The following JPH2 variants were observed in gnomAD, a reference collection of about 807,000 sequenced individuals.
JPH2 encodes the protein junctophilin 2.
In JPH2, 38 loss-of-function variants were observed where a neutral mutation model predicts 55.9. That is an observed-to-expected ratio of 0.68 (90% CI 0.52 to 0.89). The LOEUF is 0.89. Ranked by LOEUF, JPH2 falls within the 40% of genes least tolerant of loss-of-function variation. JPH2 has a pLI of 0.00. For synonymous variants in JPH2, 480 were observed against 472.4 expected (o/e 1.02, Z -0.21); for missense variants, 964 against 1,037.6 (o/e 0.93, Z 0.97).
intron 2 of JPH2, among the ~76,000 whole-genome samples, chr20:44,141,702 TCTCA>T (rs1257211482): frequency 6.6e-6 from 1 of 151,902 alleles, no homozygotes; most frequent in African/African-American, 2.4e-5. Context: ...AGAGACAGGG[TCTCA>T]CTGTGTTGCC....
chr20:44,116,688 T>C (rs1454159749), intron 3 of JPH2, among the ~76,000 whole-genome samples: 1 of 152,240 alleles, frequency 6.6e-6, no homozygotes, highest in Non-Finnish European at 1.5e-5. Flanking sequence ...GCAGTCTGGC[T>C]CCAGAGGCGA....
At chr20:44,156,505 G>A (rs1179608718) in intron 2 of JPH2, among the ~76,000 whole-genome samples, 1 of 152,130 alleles carries the variant, frequency 6.6e-6, no homozygotes, top group East Asian at 1.9e-4. Context: ...CTGGGACCGG[G>A]TCATTTGTAG....
chr20:44,186,756 G>C lies in JPH2; in HGVS notation c.-51C>G. 6.4e-7 allele frequency: 1 copy of C among 1,573,082 alleles called. No homozygotes were observed. Among genetic ancestry groups the C allele is most frequent in the Non-Finnish European group, 8.6e-7 (1 of 1,157,660 alleles). ...CCGTCCTCCAGCGTGGGTGCAGAGG[G>C]CGTGGGTGATGCCTGCAACACTCCT... On this transcript the variant is annotated 5_prime_UTR_variant, in exon 1 of 6. Coordinates refer to ENST00000372980, the MANE Select transcript of JPH2 (RefSeq NM_020433.5).
At chr20:44,185,361 C>T (rs2072825635) in intron 1 of JPH2, among the ~76,000 whole-genome samples, 1 of 151,908 alleles carries the variant, frequency 6.6e-6, no homozygotes, top group African/African-American at 2.4e-5. Context: ...CAGTGTCCCA[C>T]ACCTGTAATC....
intron 2 of JPH2, among the ~76,000 whole-genome samples, chr20:44,144,029 C>T (rs924211860): frequency 2.0e-5 from 3 of 152,146 alleles, no homozygotes; most frequent in Non-Finnish European, 4.4e-5. Context: ...CGCCTGGCTT[C>T]GGGAACCAGC....
At chr20:44,149,061 G>A (rs573217398) in intron 2 of JPH2, among the ~76,000 whole-genome samples, 132 of 138,394 alleles carry the variant, frequency 9.5e-4, no homozygotes, top group East Asian at 2.2e-3. Flanking sequence ...GCAAGACTCC[G>A]TCTCAAAAAA....
intron 1 of JPH2, among the ~76,000 whole-genome samples, chr20:44,171,964 A>C (rs1342829339): frequency 6.6e-6 from 1 of 152,230 alleles, no homozygotes; most frequent in Non-Finnish European, 1.5e-5. Context: ...GAAGACATTC[A>C]ACAGATACTG....
In JPH2 at chr20:44,159,806, G is replaced by C. The variant is rs755614718; in HGVS notation, c.981C>G (p.Gly327=). ...GGTGGCCGTCGGGCAGCGTGGTGCA[G>C]CCATAGCCGTGGCGCAGGTTGTCCA... The part of the protein sequence containing the change: ...EWLDNLRHGY[G]CTTLPDGHRE... The change falls in exon 2 of 6, where the codon GGC becomes GGG. Residue 327 remains glycine, a synonymous_variant. Transcript: ENST00000372980. This position sits in a 1 kb window ranked among gnomAD's most constrained non-coding sequence, Gnocchi z 5.7. 6.2e-7 allele frequency: 1 copy of C among 1,613,350 alleles called. No individual in the cohort carries two copies. The highest frequency in any genetic ancestry group is 1.1e-5 in the South Asian group (1 of 91,066).
chr20:44,178,047 C>T, intron 1 of JPH2: 1 of 791,768 alleles, frequency 1.3e-6, no homozygotes, highest in Non-Finnish European at 2.3e-6. Flanking sequence ...AGAACCGGCA[C>T]AGCTGGGATT....
chr20:44,173,654 A>C (rs2072713558), intron 1 of JPH2, among the ~76,000 whole-genome samples: 1 of 152,192 alleles, frequency 6.6e-6, no homozygotes, highest in African/African-American at 2.4e-5. Context: ...TGTGGCTTAC[A>C]CCTGTAATCC....
At position 44,160,091 on chromosome 20, in the gene JPH2, G is replaced by A. The variant is rs1419966903; in HGVS notation, c.696C>T (p.Arg232=). 2 of 1,531,418 alleles carry A rather than the reference G, an allele frequency of 1.3e-6. No individual in the cohort carries two copies. The highest frequency in any genetic ancestry group is 1.2e-5 in the South Asian group (1 of 83,832). 94.9% of individuals were successfully genotyped at this position (1,531,418 alleles called of 1,614,324 possible). ...QRGALLGKLR[R]AESRTSVGSQ... ...TACCCACGGACGTGCGCGACTCTGC[G>A]CGCCGCAGCTTGCCCAGCAGCGCGC... The change falls in exon 2 of 6, where the codon CGC becomes CGT. Residue 232 remains arginine (R), a synonymous_variant. Transcript: ENST00000372980. This position sits in a 1 kb window ranked among gnomAD's most constrained non-coding sequence, Gnocchi z 4.9.
In JPH2 at chr20:44,186,321, C is replaced by T. The variant is rs565814960; in HGVS notation, c.379+6G>A. 2 of 1,610,370 alleles carry T rather than the reference C, an allele frequency of 1.2e-6. No homozygotes were observed. The highest frequency in any genetic ancestry group is 1.3e-5 in the African/African-American group (1 of 74,858). On this transcript the variant is annotated splice_donor_region_variant and intron_variant, in intron 1 of 5. Transcript: ENST00000372980. ...CCCACCTCTGCGGGCCCCCAGCTGG[C>T]CTCACCTCCATCAGCATAGGTCTCG...
chr20:44,182,959 C>T (rs2072798295), intron 1 of JPH2, among the ~76,000 whole-genome samples: 1 of 152,144 alleles, frequency 6.6e-6, no homozygotes, highest in African/African-American at 2.4e-5. Flanking sequence ...CCTATGGTTT[C>T]CTATGCTCAT....
Position 44,159,583 on chromosome 20 carries a change from G to A in JPH2, c.1169+35C>T, listed in dbSNP as rs971367663. ...GCCCCAGGACCCCCTTCTCCGAGGG[G>A]AGGCGACCCCTTCCCACCCCCACCG... is the stretch of plus-strand genomic sequence containing the variant. On this transcript the variant is annotated intron_variant, in intron 2 of 5. Transcript: ENST00000372980. The surrounding 1 kb of genome is among the most constrained non-coding windows in gnomAD (Gnocchi z 5.7). 6 of 1,579,766 alleles carry A rather than the reference G, an allele frequency of 3.8e-6. No individual in the cohort carries two copies. Among genetic ancestry groups the A allele is most frequent in the Non-Finnish European group, 5.1e-6 (6 of 1,169,568 alleles).
chr20:44,110,057 G>T lies in JPH2; in HGVS notation c.*3461C>A, dbSNP rs543317756. On this transcript the variant is annotated 3_prime_UTR_variant, in exon 6 of 6. Transcript: ENST00000372980. ...GGTCAAGATTAGAAGAGGAGGCATC[G>T]GCCTGGCTGTGTCCTACCCTTGAGC... 6.6e-6 allele frequency among the ~76,000 whole-genome samples: 1 copy of T among 152,100 alleles called. No individual in the cohort carries two copies. The highest frequency in any genetic ancestry group is 2.4e-5 in the African/African-American group (1 of 41,402).
intron 2 of JPH2, among the ~76,000 whole-genome samples, chr20:44,148,513 G>C (rs1464510486): frequency 6.6e-6 from 1 of 152,208 alleles, no homozygotes; most frequent in African/African-American, 2.4e-5. Context: ...ACAAGGAAAG[G>C]AAACAAAGGG....
intron 2 of JPH2, among the ~76,000 whole-genome samples, chr20:44,147,533 C>T (rs529905066): frequency 1.3e-5 from 2 of 152,254 alleles, no homozygotes; most frequent in East Asian, 1.9e-4. Context: ...AAAACAAAAA[C>T]GAACAAAACC....
intron 2 of JPH2, among the ~76,000 whole-genome samples, chr20:44,124,496 A>G (rs2072262188): frequency 6.6e-6 from 1 of 152,176 alleles, no homozygotes; most frequent in Admixed American, 6.5e-5. Flanking sequence ...CACTGAAGAC[A>G]TAGAGGCAAA....
intron 2 of JPH2, among the ~76,000 whole-genome samples, chr20:44,153,424 G>A (rs2072544609): frequency 6.6e-6 from 1 of 152,208 alleles, no homozygotes. Context: ...CAATGCCACT[G>A]CCCATGGACT....
Sources: allele counts gnomAD v4.1 joint callset (sites outside exome capture counted in the v4.1 genomes callset), GRCh38; gene constraint gnomAD v4.1.1; non-coding constraint Gnocchi (gnomAD v3.1); transcripts MANE v1.5; gene names NCBI Gene and HGNC (gene_info 2026-07-23, HGNC 2026-07-21).